PRKCI: variants seen among roughly 807,000 people sequenced by gnomAD.
PRKCI encodes protein kinase C iota type.
In PRKCI, 43 loss-of-function variants were observed where a neutral mutation model predicts 84.0. The observed-to-expected ratio is 0.51, with a 90% confidence interval of 0.40 to 0.66. The LOEUF (loss-of-function observed/expected upper bound fraction) is 0.66, where lower values mean the gene tolerates loss of function less well. PRKCI is among the 30% of genes least tolerant of loss of function. The pLI, the probability that PRKCI is intolerant of heterozygous loss-of-function variation, is 0.00. For synonymous variants in PRKCI, 216 were observed against 234.4 expected (o/e 0.92, Z 0.72); for missense variants, 459 against 745.6 (o/e 0.62, Z 4.48).
chr3:170,267,731 A>T (rs186374353), intron 4 of PRKCI, among the ~76,000 whole-genome samples, 184 bp from the exon 5 acceptor site: 2 of 149,784 alleles, frequency 1.3e-5, no homozygotes, highest in African/African-American at 4.9e-5. Flanking sequence ...AAATATTTAT[A>T]CTCTGTGGTC....
In PRKCI at chr3:170,303,319, T is replaced by C; in HGVS notation, c.*192T>C. The C allele has an allele frequency of 2.6e-6, 1 of 385,624 alleles. No individual in the cohort carries two copies. Among genetic ancestry groups the C allele is most frequent in the Non-Finnish European group, 4.6e-6 (1 of 218,638 alleles). 23.9% of individuals were successfully genotyped at this position (385,624 alleles called of 1,614,324 possible). On this transcript the variant is annotated 3_prime_UTR_variant, in exon 18 of 18. Transcript: ENST00000295797. Reference sequence around the variant, plus strand: ...TGAAAAAAAAATTAATACTACTAGCTTCCAGACAATCATGTCAAAATTTAG... The same window carrying C: ...TGAAAAAAAAATTAATACTACTAGCCTCCAGACAATCATGTCAAAATTTAG...
Position 170,260,691 on chromosome 3 carries a change from G to T in PRKCI, c.313+633G>T, listed in dbSNP as rs183365087. On this transcript the variant is annotated intron_variant, in intron 3 of 17. Coordinates refer to ENST00000295797, the MANE Select transcript of PRKCI (RefSeq NM_002740.6). ...TGGTCTCGAACTCCTGGCCTCAAGA[G>T]ATCCGCCTGCCTTGGTCTCCCAAAG... 2.6e-5 allele frequency among the ~76,000 whole-genome samples: 4 copies of T among 152,056 alleles called. No homozygotes were observed. In the East Asian group the frequency reaches 7.8e-4, roughly 30 times the overall value.
chr3:170,232,205 T>C (rs1249942681), intron 1 of PRKCI, among the ~76,000 whole-genome samples: 1 of 151,768 alleles, frequency 6.6e-6, no homozygotes, highest in East Asian at 1.9e-4. Flanking sequence ...CACACACCAC[T>C]ATGTCTGGCT....
chr3:170,228,569 T>C (rs1164747079), intron 1 of PRKCI, among the ~76,000 whole-genome samples: 10 of 151,496 alleles, frequency 6.6e-5, no homozygotes, highest in African/African-American at 2.4e-4. Context: ...AGTGAGACCC[T>C]GTCTCACACA....
chr3:170,282,422 C>T (rs1281876033), intron 11 of PRKCI, among the ~76,000 whole-genome samples: 1 of 152,136 alleles, frequency 6.6e-6, no homozygotes. Flanking sequence ...TCTGGCTGGG[C>T]ACAGTGGCTC....
intron 8 of PRKCI, 33 bp downstream of exon 8, chr3:170,275,320 A>G: frequency 6.4e-7 from 1 of 1,568,154 alleles, no homozygotes; most frequent in Non-Finnish European, 8.6e-7. Context: ...ACATTATATC[A>G]TTAGCTTTTT....
intron 1 of PRKCI, among the ~76,000 whole-genome samples, chr3:170,230,234 C>A (rs545307912): frequency 6.7e-6 from 1 of 149,124 alleles, no homozygotes; most frequent in Non-Finnish European, 1.5e-5. Context: ...GGCGTGATCT[C>A]GTCTTACTGC....
Position 170,267,927 on chromosome 3 carries a change from G to T in PRKCI, c.377G>T (p.Arg126Leu), listed in dbSNP as rs567380681. 6.2e-7 allele frequency: 1 copy of T among 1,608,882 alleles called. No homozygotes were observed. Among genetic ancestry groups the T allele is most frequent in the Middle Eastern group, 1.8e-4 (1 of 5,522 alleles). The change falls in exon 5 of 18, where the codon CGT becomes CTT. Residue 126 changes from arginine (R) to leucine (L), a missense_variant. Physicochemically the swap from Arg to Leu is moderately radical, Grantham distance 102. This residue lies in a region of PRKCI where 250 missense variants were observed against 319.7 expected (regional missense o/e 0.78). Coordinates refer to ENST00000295797, the MANE Select transcript of PRKCI (RefSeq NM_002740.6). ...ACTCTGTCTTCAGAATCCATCTACCGTAGAGGTGCACGCCGCTGGAGAAAG... is the reference window on the plus strand; with the variant it reads ...ACTCTGTCTTCAGAATCCATCTACCTTAGAGGTGCACGCCGCTGGAGAAAG... ...PCPGEDKSIY[R>L]RGARRWRKLY...
At chr3:170,232,473 C>A (rs968495610) in intron 1 of PRKCI, among the ~76,000 whole-genome samples, 4 of 152,238 alleles carry the variant, frequency 2.6e-5, no homozygotes, top group African/African-American at 7.2e-5. Flanking sequence ...TCAAGCTGCA[C>A]TTATTTAGTC....
At chr3:170,300,909 A>G (rs928681102) in intron 17 of PRKCI, among the ~76,000 whole-genome samples, 4 of 151,746 alleles carry the variant, frequency 2.6e-5, no homozygotes, top group Non-Finnish European at 4.4e-5. Flanking sequence ...CTTTCCTCTC[A>G]TGTGTTTTCC....
intron 8 of PRKCI, among the ~76,000 whole-genome samples, chr3:170,278,668 A>T (rs893171387): frequency 6.6e-6 from 1 of 152,178 alleles, no homozygotes; most frequent in Admixed American, 6.6e-5. Context: ...ATAAATAAAT[A>T]AATGAAGGAA....
At chr3:170,254,812 T>C (rs116816097) in intron 2 of PRKCI, among the ~76,000 whole-genome samples, 2,274 of 152,262 alleles carry the variant, frequency 0.015, 28 homozygotes, top group Non-Finnish European at 0.025. Context: ...TCTGGGTCTT[T>C]TGTGGTTCCA....
chr3:170,240,953 C>T (rs1378271010), intron 2 of PRKCI, among the ~76,000 whole-genome samples: 2 of 152,182 alleles, frequency 1.3e-5, no homozygotes, highest in Admixed American at 6.5e-5. Context: ...ATGCCACACT[C>T]CTCTTTCTCA....
chr3:170,237,642 T>G (rs951276954), intron 2 of PRKCI, among the ~76,000 whole-genome samples: 1 of 152,228 alleles, frequency 6.6e-6, no homozygotes, highest in Non-Finnish European at 1.5e-5. Context: ...AATATTTAGC[T>G]CAATATTTGG....
At chr3:170,273,543 G>A (rs755902917) in intron 7 of PRKCI, among the ~76,000 whole-genome samples, 25 of 152,080 alleles carry the variant, frequency 1.6e-4, no homozygotes, top group Admixed American at 9.8e-4. Flanking sequence ...GGCTGGGTGC[G>A]GTGGTTCACA....
At chr3:170,288,962 ATATTT>A (rs889523404) in intron 12 of PRKCI, among the ~76,000 whole-genome samples, 15 of 152,322 alleles carry the variant, frequency 9.8e-5, no homozygotes, top group African/African-American at 3.6e-4. Context: ...TATGTTTGAA[ATATTT>A]TATGAACGTT....
chr3:170,274,824 G>A (rs2108855894), intron 7 of PRKCI, among the ~76,000 whole-genome samples: 1 of 152,218 alleles, frequency 6.6e-6, no homozygotes, highest in Admixed American at 6.5e-5. Context: ...AATGGAGTGA[G>A]AAGTGAAAAC....
intron 6 of PRKCI, among the ~76,000 whole-genome samples, chr3:170,272,098 G>A (rs1178010455): frequency 6.6e-6 from 1 of 152,188 alleles, no homozygotes; most frequent in Non-Finnish European, 1.5e-5. Flanking sequence ...GTCTCCCAAA[G>A]TGCTGGAATT....
intron 8 of PRKCI, among the ~76,000 whole-genome samples, chr3:170,277,673 G>A (rs1319879948): frequency 2.8e-5 from 4 of 142,856 alleles, no homozygotes; most frequent in Admixed American, 2.2e-4. Context: ...CAGCCTGGGC[G>A]AAAGAGCGAG....
Sources: gnomAD v4.1 joint callset for allele counts (sites outside exome capture counted in the v4.1 genomes callset) on GRCh38, gnomAD v4.1.1 for gene constraint, gnomAD v4.1.1 regional missense constraint, MANE v1.5 for transcripts, NCBI Gene and HGNC (gene_info 2026-07-23, HGNC 2026-07-21) for gene names.